KLHL13: variants seen among roughly 807,000 people sequenced by gnomAD.
KLHL13 encodes kelch-like protein 13.
KLHL13 carries 10 observed loss-of-function variants against 37.1 expected under a neutral mutation model. That is an observed-to-expected ratio of 0.27 (90% confidence interval 0.17 to 0.46). The LOEUF (loss-of-function observed/expected upper bound fraction) is 0.46. KLHL13 is among the 20% of genes least tolerant of loss of function. The pLI is 1.00. For missense variants in KLHL13, 360 were observed against 509.3 expected (o/e 0.71, Z 2.82); for synonymous variants, 163 against 181.2 (o/e 0.90, Z 0.81).
chrX:118,013,057 T>G (rs755803006), intron 1 of KLHL13, among the ~76,000 whole-genome samples: 1 of 112,345 alleles, frequency 8.9e-6, no homozygotes, highest in African/African-American at 3.2e-5. Context: ...CAAATATTTA[T>G]TGAGTAACTT....
chrX:117,945,261 T>G (rs764418487), intron 2 of KLHL13, among the ~76,000 whole-genome samples, 173 bp downstream of exon 3: 18 of 111,920 alleles, frequency 1.6e-4, no homozygotes, highest in Non-Finnish European at 2.8e-4. Flanking sequence ...AAACTTCATT[T>G]TTTAGAGCCA....
chrX:117,967,612 G>A (rs2053458563), intron 1 of KLHL13, among the ~76,000 whole-genome samples: 1 of 111,731 alleles, frequency 9.0e-6, no homozygotes, highest in Non-Finnish European at 1.9e-5. Flanking sequence ...TATAAAAAAA[G>A]GAATCTAGAT....
chrX:118,065,137 T>C (rs2054781746), intron 1 of KLHL13, among the ~76,000 whole-genome samples: 1 of 111,720 alleles, frequency 9.0e-6, no homozygotes, highest in Non-Finnish European at 1.9e-5. Flanking sequence ...ACTAAATTTG[T>C]TATATAAGCT....
intron 1 of KLHL13, among the ~76,000 whole-genome samples, chrX:117,955,770 G>GT (rs2053195653): frequency 9.0e-6 from 1 of 111,057 alleles, no homozygotes; most frequent in Non-Finnish European, 1.9e-5. Flanking sequence ...ACCATTAAGG[G>GT]TTTTTTTCCA....
chrX:118,077,453 T>C (rs2054940407), intron 1 of KLHL13, among the ~76,000 whole-genome samples: 1 of 108,977 alleles, frequency 9.2e-6, no homozygotes, highest in Non-Finnish European at 1.9e-5. Context: ...AGAAAAGGCC[T>C]GGGACCAGGG....
intron 1 of KLHL13, among the ~76,000 whole-genome samples, chrX:118,011,665 G>C (rs182049545): frequency 0.055 from 6,076 of 110,768 alleles, 413 homozygotes; most frequent in African/African-American, 0.19. Flanking sequence ...GATGATGCCC[G>C]AGTTTCTGAG....
At chrX:118,053,510 G>A (rs888276738) in intron 1 of KLHL13, among the ~76,000 whole-genome samples, 5 of 110,501 alleles carry the variant, frequency 4.5e-5, no homozygotes, top group African/African-American at 1.6e-4. Flanking sequence ...CGAGGTGGGA[G>A]GGATAGCATT....
intron 1 of KLHL13, among the ~76,000 whole-genome samples, chrX:118,022,425 A>G (rs1185196632): frequency 1.8e-5 from 2 of 111,728 alleles, no homozygotes; most frequent in East Asian, 2.8e-4. Flanking sequence ...ACTGTTTACC[A>G]TAATGGCTGT....
intron 1 of KLHL13, among the ~76,000 whole-genome samples, chrX:118,062,891 C>G (rs2054756284): frequency 1.8e-5 from 2 of 111,312 alleles, no homozygotes; most frequent in African/African-American, 6.5e-5. Flanking sequence ...GGAAAATGCT[C>G]TTTTCTACTG....
upstream of KLHL13, among the ~76,000 whole-genome samples, chrX:117,974,723 T>A (rs946373076): frequency 1.5e-4 from 17 of 111,911 alleles, no homozygotes; most frequent in Non-Finnish European, 2.4e-4. Flanking sequence ...ATGCAGTATG[T>A]ACATATACAC....
chrX:118,042,269 T>G (rs776906608), intron 1 of KLHL13, among the ~76,000 whole-genome samples: 8 of 111,517 alleles, frequency 7.2e-5, no homozygotes, highest in East Asian at 2.8e-4. Flanking sequence ...GAGACTTTAA[T>G]AACCCATTTT....
intron 1 of KLHL13, among the ~76,000 whole-genome samples, chrX:118,028,963 G>A (rs2054304980): frequency 8.9e-6 from 1 of 111,943 alleles, no homozygotes; most frequent in Admixed American, 9.5e-5. Context: ...CTTTTGTGCA[G>A]TGTATCCATG....
chrX:118,007,964 T>C (rs903339539), intron 1 of KLHL13, among the ~76,000 whole-genome samples: 3 of 111,891 alleles, frequency 2.7e-5, no homozygotes, highest in Non-Finnish European at 1.9e-5. Context: ...AAAGCAATGG[T>C]ACAAAGAAAA....
chrX:118,023,406 T>C (rs1398362704), intron 1 of KLHL13, among the ~76,000 whole-genome samples: 1 of 111,266 alleles, frequency 9.0e-6, no homozygotes, highest in African/African-American at 3.3e-5. Flanking sequence ...TTAAGGGCTC[T>C]TTTCTATTCT....
intron 1 of KLHL13, among the ~76,000 whole-genome samples, chrX:118,064,740 C>A (rs2054778442): frequency 8.9e-6 from 1 of 111,778 alleles, no homozygotes; most frequent in East Asian, 2.8e-4. Flanking sequence ...ACTGTAGAGT[C>A]ACACAGACTT....
chrX:118,070,665 T>C (rs1465985785), intron 1 of KLHL13, among the ~76,000 whole-genome samples: 1 of 111,316 alleles, frequency 9.0e-6, no homozygotes, highest in Non-Finnish European at 1.9e-5. Flanking sequence ...GCTTGTTCTA[T>C]CAGTTACTGA....
intron 1 of KLHL13, among the ~76,000 whole-genome samples, chrX:117,962,825 C>T (rs1416422891): frequency 2.7e-5 from 3 of 111,854 alleles, no homozygotes; most frequent in African/African-American, 9.7e-5. Flanking sequence ...AATTTTGGCT[C>T]AACTTGTAAT....
At chrX:118,040,568 G>C (rs1006468524) in intron 1 of KLHL13, among the ~76,000 whole-genome samples, 3 of 111,668 alleles carry the variant, frequency 2.7e-5, no homozygotes, top group African/African-American at 6.5e-5. Context: ...CTAGAAAATA[G>C]TCTCAAAAGG....
chrX:117,907,014 T>G (rs1930588980), intron 5 of KLHL13, among the ~76,000 whole-genome samples: 1 of 111,618 alleles, frequency 9.0e-6, no homozygotes, highest in South Asian at 3.8e-4. Flanking sequence ...CTTTAGAAAT[T>G]TTATTGTTAA....
Sources: allele counts gnomAD v4.1 joint callset (sites outside exome capture counted in the v4.1 genomes callset), GRCh38; gene constraint gnomAD v4.1.1; transcripts MANE v1.5; gene names NCBI Gene and HGNC (gene_info 2026-07-23, HGNC 2026-07-21).